CHM: variants seen among roughly 807,000 people sequenced by gnomAD.
CHM encodes CHM Rab escort protein.
A neutral mutation model predicts 49.0 loss-of-function variants in CHM; 10 were observed. The ratio of observed to expected loss-of-function variants is 0.20; its 90% CI spans 0.13 to 0.35. The LOEUF is 0.35. Among genes scored for constraint, CHM ranks in the 10% least tolerant of loss-of-function variants. The pLI, the probability that CHM is intolerant of heterozygous loss-of-function variation, is 1.00. For synonymous variants in CHM, 184 were observed against 167.5 expected, an observed-to-expected ratio of 1.10 and a Z score of -0.76; for missense variants, 455 against 478.4, an observed-to-expected ratio of 0.95 and a Z score of 0.46.
chrX:85,875,910 G>A lies in CHM; in HGVS notation c.1610-2698C>T, dbSNP rs745552991. 1.4e-4 allele frequency among the ~76,000 whole-genome samples: 16 copies of A among 111,612 alleles called. No individual in the cohort carries two copies. The Middle Eastern group carries it at 0.019, about 129-fold the overall frequency. On this transcript the variant is annotated intron_variant, in intron 13 of 14. Coordinates refer to ENST00000357749, the MANE Select transcript of CHM (RefSeq NM_000390.4). ...ATTTCTATACACTAATAACAATCAA[G>A]CACAGGGCTAAGTCAAGAATGCAAT...
At chrX:85,889,095 C>A (rs1925277364) in intron 12 of CHM, among the ~76,000 whole-genome samples, 1 of 111,450 alleles carries the variant, frequency 9.0e-6, no homozygotes, top group Non-Finnish European at 1.9e-5. Context: ...AATTATTAGA[C>A]TGGGGATATT....
At chrX:85,913,331 AAAAAGAAAGAAAGAAAGAAAG>A (rs1927196633) in intron 8 of CHM, among the ~76,000 whole-genome samples, 1 of 80,954 alleles carries the variant, frequency 1.2e-5, no homozygotes, top group African/African-American at 4.2e-5. Context: ...AAAAAAAAAA[AAAAAGAAAGAAAGAAAGAAAG>A]AAAGAAAGAA....
At chrX:86,020,050 C>T (rs962497853) in intron 2 of CHM, among the ~76,000 whole-genome samples, 4 of 111,357 alleles carry the variant, frequency 3.6e-5, no homozygotes, top group African/African-American at 1.3e-4. Flanking sequence ...ATACAAGGTC[C>T]TCAGAATGAT....
intron 2 of CHM, among the ~76,000 whole-genome samples, chrX:86,023,577 T>C (rs902428472): frequency 3.6e-5 from 4 of 111,555 alleles, no homozygotes; most frequent in African/African-American, 1.3e-4. Flanking sequence ...CTTCCCTTAC[T>C]AGATTGTGAG....
At chrX:85,964,098 C>G (rs1930452517) in intron 4 of CHM, 46 bp from the exon 5 acceptor site, 2 of 1,098,808 alleles carry the variant, frequency 1.8e-6, no homozygotes, top group Admixed American at 4.9e-5. Context: ...TATATATATT[C>G]CCTTACCCCT....
intron 2 of CHM, among the ~76,000 whole-genome samples, chrX:86,000,297 A>T (rs983717894): frequency 3.7e-5 from 4 of 106,752 alleles, no homozygotes; most frequent in Non-Finnish European, 7.7e-5. Context: ...AGTAAATTTC[A>T]CCTAATTCCT....
chrX:85,905,369 A>C (rs2148160071), intron 9 of CHM, among the ~76,000 whole-genome samples: 1 of 112,160 alleles, frequency 8.9e-6, no homozygotes, highest in Admixed American at 9.5e-5. Flanking sequence ...CATTTGTTCA[A>C]CATAAATGTA....
chrX:85,884,351 C>G (rs1360173667), intron 12 of CHM, among the ~76,000 whole-genome samples: 2 of 110,931 alleles, frequency 1.8e-5, no homozygotes, highest in Non-Finnish European at 3.8e-5. Context: ...TCCTATCAGT[C>G]TATCAAAATA....
intron 1 of CHM, among the ~76,000 whole-genome samples, chrX:86,043,733 CTT>C (rs112150895): frequency 9.8e-6 from 1 of 101,540 alleles, no homozygotes; most frequent in Non-Finnish European, 2.0e-5. Context: ...GCCAATGAAA[CTT>C]TTTTTTTTTT....
intron 12 of CHM, among the ~76,000 whole-genome samples, chrX:85,893,068 T>TAAGGGAATA (rs1222227471): frequency 1.8e-5 from 2 of 111,749 alleles, no homozygotes; most frequent in Admixed American, 1.9e-4. Context: ...TCTCCTATGG[T>TAAGGGAATA]AAGGGAATAT....
intron 4 of CHM, among the ~76,000 whole-genome samples, chrX:85,965,115 T>C (rs1024699099): frequency 8.9e-6 from 1 of 112,363 alleles, no homozygotes; most frequent in Admixed American, 9.4e-5. Flanking sequence ...CAACATGGCA[T>C]CTCTAACTCC....
At chrX:85,872,992 A>C in intron 14 of CHM, 60 bp downstream of exon 14, 1 of 1,114,486 alleles carries the variant, frequency 9.0e-7, no homozygotes, top group Non-Finnish European at 1.2e-6. Flanking sequence ...CCAGAGGAAA[A>C]AATATTTCCC....
chrX:85,897,248 T>C (rs1925938585), intron 11 of CHM, among the ~76,000 whole-genome samples: 1 of 99,352 alleles, frequency 1.0e-5, no homozygotes, highest in African/African-American at 3.7e-5. Flanking sequence ...ATATATGAAA[T>C]AGAAAGTAGT....
intron 1 of CHM, 78 bp from the exon 2 acceptor site, chrX:86,027,635 G>T: frequency 1.2e-6 from 1 of 839,581 alleles, no homozygotes; most frequent in South Asian, 2.1e-5. Flanking sequence ...ACATGCCATT[G>T]CTGTATAGAA....
chrX:85,918,095 C>A (rs1376044937), intron 8 of CHM, among the ~76,000 whole-genome samples: 1 of 110,955 alleles, frequency 9.0e-6, no homozygotes, highest in African/African-American at 3.3e-5. Flanking sequence ...AGATGACAAT[C>A]CCCAAAACAC....
intron 12 of CHM, among the ~76,000 whole-genome samples, chrX:85,889,228 C>T (rs1232809244): frequency 8.9e-6 from 1 of 111,897 alleles, no homozygotes; most frequent in Non-Finnish European, 1.9e-5. Flanking sequence ...CTTCATTAAA[C>T]TAAAGAGCAT....
intron 2 of CHM, among the ~76,000 whole-genome samples, chrX:86,025,894 C>T (rs1221565909): frequency 9.1e-6 from 1 of 110,410 alleles, no homozygotes; most frequent in Non-Finnish European, 1.9e-5. Context: ...AATTAAGTTA[C>T]ATAACATGTG....
At chrX:86,034,675 G>A (rs1247284808) in intron 1 of CHM, among the ~76,000 whole-genome samples, 4 of 111,498 alleles carry the variant, frequency 3.6e-5, no homozygotes, top group Admixed American at 9.5e-5. Flanking sequence ...AGGTACTCGG[G>A]AGGCTGAGGC....
In CHM at chrX:85,888,303, G is replaced by T. The variant is rs759187321; in HGVS notation, c.1510+5885C>A. ...CTCATAACGTTATGAGTTATTAAAT[G>T]CAAGTTTAAACACAATATTTCAATT... On this transcript the variant is annotated intron_variant, in intron 12 of 14. Coordinates refer to ENST00000357749, the MANE Select transcript of CHM (RefSeq NM_000390.4). Among the ~76,000 whole-genome samples, 3 of 112,065 alleles carry T rather than the reference G, an allele frequency of 2.7e-5. No homozygotes were observed. In the South Asian group the frequency reaches 1.1e-3, roughly 42 times the overall value.
Sources: allele counts gnomAD v4.1 joint callset (sites outside exome capture counted in the v4.1 genomes callset), GRCh38; gene constraint gnomAD v4.1.1; transcripts MANE v1.5; gene names NCBI Gene and HGNC (gene_info 2026-07-23, HGNC 2026-07-21).